The following VPS13D variants were observed in gnomAD, a reference collection of about 807,000 sequenced individuals.
VPS13D encodes the protein vacuolar protein sorting 13 homolog D.
VPS13D carries 187 observed loss-of-function variants against 461.9 expected under a neutral mutation model. The observed-to-expected ratio is 0.40, with a 90% CI of 0.36 to 0.46. VPS13D has a LOEUF of 0.46. Ranked by LOEUF, VPS13D falls within the 20% of genes least tolerant of loss-of-function variation. The pLI, the probability that VPS13D is intolerant of heterozygous loss-of-function variation, is 0.60. For missense variants in VPS13D, 4,711 were observed against 5,364.9 expected (o/e 0.88, Z 3.81); for synonymous variants, 1,951 against 1,986.3 (o/e 0.98, Z 0.47).
In VPS13D at chr1:12,268,767, C is replaced by G. The variant is rs368522628; in HGVS notation, c.1863C>G (p.His621Gln). ...MLYERNPAHS[H>Q]FERRLNVSTR... ...ATGAGAGAAATCCGGCGCACAGCCA[C>G]TTTGAGAGGCGGCTCAATGTCAGCA... is the stretch of plus-strand genomic sequence containing the variant. Residue 621 changes from histidine to glutamine, a missense_variant, in exon 16 of 70, where the codon CAC becomes CAG. This residue lies in a region of VPS13D where 4,411 missense variants were observed against 4,937.8 expected (regional missense o/e 0.89). Transcript: ENST00000620676. The G allele has an allele frequency of 4.3e-6, 7 of 1,614,120 alleles. No homozygotes were observed. The African/African-American group carries it at 9.3e-5, about 22-fold the overall frequency.
Position 12,327,286 on chromosome 1 carries a change from C to T in VPS13D, c.7991-362C>T, listed in dbSNP as rs575624094. On this transcript the variant is annotated intron_variant, in intron 35 of 69. Transcript: ENST00000620676. ...TGGTGACTTAGGTACCAAGTGGCGC[C>T]GTGTCTGGATCCTCTCCTGTCCTCT... Among the ~76,000 whole-genome samples the T allele has an allele frequency of 3.3e-5, 5 of 152,218 alleles. No homozygotes were observed. The East Asian group carries it at 5.8e-4, about 18-fold the overall frequency.
At chr1:12,232,637 C>CTTTTTTTTT (rs772757546) in intron 1 of VPS13D, among the ~76,000 whole-genome samples, 27 of 71,002 alleles carry the variant, frequency 3.8e-4, no homozygotes, top group Admixed American at 5.7e-4. Context: ...TAAAATTAGT[C>CTTTTTTTTT]TTTTTTTTTT....
chr1:12,333,068 C>T (rs534428728), intron 37 of VPS13D, among the ~76,000 whole-genome samples, 158 bp from the exon 38 acceptor site: 2 of 152,258 alleles, frequency 1.3e-5, no homozygotes, highest in African/African-American at 4.8e-5. Flanking sequence ...GTAGGGTGAC[C>T]TGTAGCTAAA....
In VPS13D at chr1:12,321,928, T is replaced by A; in HGVS notation, c.7668T>A (p.Asp2556Glu). The change falls in exon 33 of 70, where the codon GAT becomes GAA. Residue 2556 changes from aspartate (D) to glutamate (E), a missense_variant. This residue lies in a region of VPS13D where 4,411 missense variants were observed against 4,937.8 expected (regional missense o/e 0.89). Coordinates refer to ENST00000620676, the MANE Select transcript of VPS13D (RefSeq NM_015378.4). Reference protein sequence around the residue: ...SSYQNSSGLMDAFNSEDFPPV... With the variant: ...SSYQNSSGLMEAFNSEDFPPV... ...ATCAAAATAGTTCAGGATTGATGGATGCATTCAATAGTGAAGATTTCCCAC... is the reference window on the plus strand; with the variant it reads ...ATCAAAATAGTTCAGGATTGATGGAAGCATTCAATAGTGAAGATTTCCCAC... 6.2e-7 allele frequency: 1 copy of A among 1,613,648 alleles called. No homozygotes were observed. The highest frequency in any genetic ancestry group is 8.5e-7 in the Non-Finnish European group (1 of 1,179,848).
chr1:12,289,620 A>G (rs1345613011), intron 22 of VPS13D, among the ~76,000 whole-genome samples: 1 of 150,826 alleles, frequency 6.6e-6, no homozygotes, highest in African/African-American at 2.4e-5. Context: ...TAAGATTGGT[A>G]AAAGCTTGGT....
chr1:12,385,134 A>T, intron 58 of VPS13D, 126 bp from the exon 59 acceptor site: 1 of 743,474 alleles, frequency 1.3e-6, no homozygotes, highest in Non-Finnish European at 2.2e-6. Flanking sequence ...GTGCTTTGGA[A>T]ACCATTCGCT....
At chr1:12,268,249 CTTTTT>C (rs35267390) in intron 15 of VPS13D, among the ~76,000 whole-genome samples, 1 of 100,736 alleles carries the variant, frequency 9.9e-6, no homozygotes, top group Non-Finnish European at 2.1e-5. Context: ...CATGCCTGAG[CTTTTT>C]TTTTTTTTTT....
chr1:12,500,096 T>C lies in VPS13D; in HGVS notation c.12794+2465T>C, dbSNP rs533701698. 12 of 985,458 alleles carry C rather than the reference T, an allele frequency of 1.2e-5. No homozygotes were observed. In the African/African-American group the frequency reaches 1.9e-4, roughly 16 times the overall value. 61.0% of individuals were successfully genotyped at this position (985,458 alleles called of 1,614,324 possible). On this transcript the variant is annotated intron_variant, in intron 68 of 69. Transcript: ENST00000620676. The stretch of plus-strand genomic sequence containing the variant: ...AAAATATTGTGTAATTATTTCCCGA[T>C]GGAGTGAAAACCCCACGAAGTCCCC...
chr1:12,434,869 G>T (rs1360706294), intron 65 of VPS13D, among the ~76,000 whole-genome samples: 1 of 152,170 alleles, frequency 6.6e-6, no homozygotes. Context: ...TGGACTGTTG[G>T]TGGGTTTGTT....
intron 22 of VPS13D, among the ~76,000 whole-genome samples, chr1:12,288,645 T>A (rs1256895620): frequency 6.7e-6 from 1 of 149,900 alleles, no homozygotes; most frequent in Non-Finnish European, 1.5e-5. Flanking sequence ...CCCATATAAC[T>A]TTTTTTTGGT....
chr1:12,423,466 G>A (rs1454853795), intron 65 of VPS13D, among the ~76,000 whole-genome samples: 2 of 152,144 alleles, frequency 1.3e-5, no homozygotes, highest in Admixed American at 1.3e-4. Flanking sequence ...TAACTTTTAG[G>A]AAAACTGTCT....
rs896759859 is a variant in VPS13D at position 12,304,521 on chromosome 1, G to C, written c.6232G>C (p.Ala2078Pro). Residue 2078 changes from alanine (A) to proline (P), a missense_variant, in exon 26 of 70, where the codon GCT becomes CCT. Physicochemically the swap from Ala to Pro is conservative, Grantham distance 27. Coordinates refer to ENST00000620676, the MANE Select transcript of VPS13D (RefSeq NM_015378.4). ...TCCTTCCCAGGAATCTGTGCCTTCAGCTTCCCCAACGGGTATTCCCAAACA... is the reference window on the plus strand; with the variant it reads ...TCCTTCCCAGGAATCTGTGCCTTCACCTTCCCCAACGGGTATTCCCAAACA... ...SLQDKESVPS[A>P]SPTGIPKHSL... 1.2e-6 allele frequency: 2 copies of C among 1,613,600 alleles called. No homozygotes were observed. Among genetic ancestry groups the C allele is most frequent in the African/African-American group, 2.7e-5 (2 of 74,890 alleles).
At chr1:12,240,803 G>C (rs1235205359) in intron 2 of VPS13D, among the ~76,000 whole-genome samples, 2 of 108,382 alleles carry the variant, frequency 1.8e-5, no homozygotes, top group Non-Finnish European at 3.4e-5. Flanking sequence ...TTAGTCGTAA[G>C]GTATGGTGGT....
In VPS13D at chr1:12,258,115, G is replaced by C; in HGVS notation, c.1110+12G>C. ...CCACAGATGACAAGGTAAGTGGACT[G>C]TGGTCTTGTGTTTCTTGTCTTATTC... On this transcript the variant is annotated intron_variant, in intron 10 of 69. Transcript: ENST00000620676. 1 of 1,613,074 alleles carries C rather than the reference G, an allele frequency of 6.2e-7. No homozygotes were observed. Among genetic ancestry groups the C allele is most frequent in the South Asian group, 1.1e-5 (1 of 91,086 alleles).
In VPS13D at chr1:12,473,850, C is replaced by T. The variant is rs1313869468; in HGVS notation, c.12662+13454C>T. The stretch of plus-strand genomic sequence containing the variant: ...TCTTCACACAAAATGAACAGTTGAA[C>T]TCAGGCCACCAAACCTGGTTGAGTT... On this transcript the variant is annotated intron_variant, in intron 67 of 69. Transcript: ENST00000620676. The surrounding 1 kb of genome is among the most constrained non-coding windows in gnomAD (Gnocchi z 4.2). Among the ~76,000 whole-genome samples, 1 of 152,138 alleles carries T rather than the reference C, an allele frequency of 6.6e-6. No homozygotes were observed. Among genetic ancestry groups the T allele is most frequent in the Non-Finnish European group, 1.5e-5 (1 of 68,028 alleles).
At chr1:12,503,335 T>C (rs1360648553) in intron 68 of VPS13D, among the ~76,000 whole-genome samples, 1 of 151,874 alleles carries the variant, frequency 6.6e-6, no homozygotes, top group Non-Finnish European at 1.5e-5. Context: ...GTTAAAACTT[T>C]TTTCTTTCTT....
intron 55 of VPS13D, among the ~76,000 whole-genome samples, chr1:12,374,694 CGTGTT>C (rs1435965537): frequency 1.3e-5 from 2 of 152,072 alleles, no homozygotes; most frequent in Admixed American, 6.5e-5. Flanking sequence ...TTTTATTCAG[CGTGTT>C]ATCTGTTACT....
intron 39 of VPS13D, 120 bp from the exon 40 acceptor site, chr1:12,338,111 A>G: frequency 1.2e-6 from 1 of 849,848 alleles, no homozygotes; most frequent in Non-Finnish European, 2.0e-6. Flanking sequence ...ATGACTCTGT[A>G]CTTGCATGAT....
At chr1:12,428,322 C>G (rs1464469050) in intron 65 of VPS13D, among the ~76,000 whole-genome samples, 1 of 152,198 alleles carries the variant, frequency 6.6e-6, no homozygotes, top group Non-Finnish European at 1.5e-5. Context: ...ACACTCACCT[C>G]CAGCAGGCAA....
Sources: gnomAD v4.1 joint callset for allele counts (sites outside exome capture counted in the v4.1 genomes callset) on GRCh38, gnomAD v4.1.1 for gene constraint, gnomAD v4.1.1 regional missense constraint, Gnocchi (gnomAD v3.1) non-coding constraint, MANE v1.5 for transcripts, NCBI Gene and HGNC (gene_info 2026-07-23, HGNC 2026-07-21) for gene names.